Variants in RFX1 observed in about 807,000 individuals in gnomAD.
RFX1 encodes regulatory factor X1.
Under a neutral mutation model 119.6 loss-of-function variants are expected in RFX1, and 42 were observed. The observed-to-expected ratio is 0.35, with a 90% CI of 0.27 to 0.45. The LOEUF (loss-of-function observed/expected upper bound fraction) is 0.45. Among genes scored for constraint, RFX1 ranks in the 20% least tolerant of loss-of-function variants. The probability of loss-of-function intolerance (pLI) is 1.00; values close to 1 mark genes in which losing one functional copy is unlikely to be tolerated. For synonymous variants in RFX1, 628 were observed against 618.5 expected, an observed-to-expected ratio of 1.02 and a Z score of -0.23; for missense variants, 1,118 against 1,368.1, an observed-to-expected ratio of 0.82 and a Z score of 2.88.
rs1191987751 is a variant in RFX1, at chr19:13,980,883, T to C, written c.622-194A>G. Among the ~76,000 whole-genome samples, 1 of 152,168 alleles carries C rather than the reference T, an allele frequency of 6.6e-6. No individual in the cohort carries two copies. Among genetic ancestry groups the C allele is most frequent in the Non-Finnish European group, 1.5e-5 (1 of 68,024 alleles). ...TGCCTACTCCCTGCAACAGTCCCAG[T>C]CAACTCCCAGCAATGATGGGGGTTT... On this transcript the variant is annotated intron_variant, in intron 5 of 20. Coordinates refer to ENST00000254325, the MANE Select transcript of RFX1 (RefSeq NM_002918.5). The surrounding 1 kb of genome is among the most constrained non-coding windows in gnomAD (Gnocchi z 5.1).
intron 2 of RFX1, among the ~76,000 whole-genome samples, chr19:13,992,685 G>C (rs532240427): frequency 6.6e-6 from 1 of 152,202 alleles, no homozygotes; most frequent in Non-Finnish European, 1.5e-5. Context: ...GAGCTATGAT[G>C]ATCCCATCAC....
At chr19:13,997,416 G>A (rs1975073116) in intron 1 of RFX1, among the ~76,000 whole-genome samples, 1 of 152,278 alleles carries the variant, frequency 6.6e-6, no homozygotes, top group Non-Finnish European at 1.5e-5. Flanking sequence ...GGCCCTACCA[G>A]GCGGGGCTGC....
intron 6 of RFX1, among the ~76,000 whole-genome samples, chr19:13,979,913 G>A (rs1974374598): frequency 6.6e-6 from 1 of 152,160 alleles, no homozygotes; most frequent in Admixed American, 6.5e-5. Context: ...TATCCTAGGG[G>A]CGCAGAGCCA....
At position 13,973,036 on chromosome 19, in the gene RFX1, C is replaced by T. The variant is rs763319107; in HGVS notation, c.1021G>A (p.Val341Ile). 6.2e-7 allele frequency: 1 copy of T among 1,601,656 alleles called. No individual in the cohort carries two copies. The highest frequency in any genetic ancestry group is 8.5e-7 in the Non-Finnish European group (1 of 1,179,850). Residue 341 changes from valine to isoleucine, a missense_variant, in exon 9 of 21, where the codon GTC (valine) becomes ATC (isoleucine). By Grantham distance (29) the Val-to-Ile change is conservative (BLOSUM62 3). Coordinates refer to ENST00000254325, the MANE Select transcript of RFX1 (RefSeq NM_002918.5). Reference protein sequence around the residue: ...YYEAAGTATQVSTPATSQAVA... With the variant: ...YYEAAGTATQISTPATSQAVA... The stretch of plus-strand genomic sequence containing the variant: ...GCCTGGGAGGTGGCGGGGGTGCTGA[C>T]CTGGGTGGCCGTGCCTGCGGCCTCG...
In RFX1 at chr19:13,973,692, G is replaced by A. The variant is rs552127627; in HGVS notation, c.930-565C>T. ...GTCACCCAGGCTAGAGTGCAGTGTCGCAATCTTGGCTCACTGCAACCTCCG... is the reference window on the plus strand; with the variant it reads ...GTCACCCAGGCTAGAGTGCAGTGTCACAATCTTGGCTCACTGCAACCTCCG... On this transcript the variant is annotated intron_variant, in intron 8 of 20. Transcript: ENST00000254325. Among the ~76,000 whole-genome samples, 8 of 152,130 alleles carry A rather than the reference G, an allele frequency of 5.3e-5. No individual in the cohort carries two copies. The East Asian group carries it at 9.7e-4, about 18-fold the overall frequency.
chr19:13,989,338 C>T (rs1974721463), intron 2 of RFX1, among the ~76,000 whole-genome samples: 1 of 151,954 alleles, frequency 6.6e-6, no homozygotes, highest in South Asian at 2.1e-4. Context: ...CTAGTAGGGG[C>T]ACAGGGTGTG....
chr19:14,000,991 G>C (rs530058946), intron 1 of RFX1, among the ~76,000 whole-genome samples: 3 of 152,158 alleles, frequency 2.0e-5, no homozygotes, highest in Admixed American at 2.0e-4. Context: ...CCAGCTACTC[G>C]GGAGGCTGAG....
chr19:13,970,353 GCACTGT>G (rs2145553704), intron 9 of RFX1, among the ~76,000 whole-genome samples, 178 bp from the exon 10 acceptor site: 1 of 152,198 alleles, frequency 6.6e-6, no homozygotes, highest in East Asian at 1.9e-4. Context: ...CTCTAGAACT[GCACTGT>G]CCAATACAGT....
chr19:13,978,145 C>A, intron 7 of RFX1, 59 bp from the exon 8 acceptor site: 1 of 1,302,422 alleles, frequency 7.7e-7, no homozygotes, highest in South Asian at 1.3e-5. Flanking sequence ...ACGGTTCTCC[C>A]TCTAAAGGGC....
chr19:13,983,840 C>T, intron 2 of RFX1, among the ~76,000 whole-genome samples: 1 of 152,204 alleles, frequency 6.6e-6, no homozygotes. Flanking sequence ...CAGCTTTCCT[C>T]ATCCTGAAGT....
intron 2 of RFX1, among the ~76,000 whole-genome samples, chr19:13,984,348 T>TC (rs60103979): frequency 0.014 from 2,053 of 151,238 alleles, 45 homozygotes; most frequent in African/African-American, 0.047. Flanking sequence ...GGGGCGCTAA[T>TC]CCCCCCGGTG....
rs1974007750 is a variant in RFX1 at position 13,969,556 on chromosome 19, G to C, written c.1496+438C>G. On this transcript the variant is annotated intron_variant, in intron 10 of 20. Transcript: ENST00000254325. The surrounding 1 kb of genome is among the most constrained non-coding windows in gnomAD (Gnocchi z 4.5). ...GCTTGTAGTCCCAAGCTACTCAAGA[G>C]GCTGAGGCATGAGAATGGCTTGAAC... The C allele has an allele frequency of 6.1e-6, 1 of 163,358 alleles. No individual in the cohort carries two copies. Among genetic ancestry groups the C allele is most frequent in the East Asian group, 1.8e-4 (1 of 5,566 alleles). 10.1% of individuals were successfully genotyped at this position (163,358 alleles called of 1,614,324 possible).
At chr19:13,991,610 C>T (rs1195190400) in intron 2 of RFX1, among the ~76,000 whole-genome samples, 1 of 152,188 alleles carries the variant, frequency 6.6e-6, no homozygotes, top group Non-Finnish European at 1.5e-5. Context: ...GGACACTGCC[C>T]AGGGCTCCAG....
In RFX1 at chr19:13,966,723, T is replaced by C. The variant is rs769362603; in HGVS notation, c.1761A>G (p.Thr587=). The C allele has an allele frequency of 2.5e-6, 4 of 1,610,376 alleles. No individual in the cohort carries two copies. The South Asian group carries it at 4.4e-5, about 18-fold the overall frequency. ...GCACCTTGCCCTGGAGGTCGAGCTC[T>C]GTGAAGTCAGGGAGGCTCCGAGAGG... ...LDASRSLPDF[T]ELDLQGKVLP... The change falls in exon 13 of 21, where the codon ACA becomes ACG. Residue 587 remains threonine (T), a synonymous_variant. Transcript: ENST00000254325. This position sits in a 1 kb window ranked among gnomAD's most constrained non-coding sequence, Gnocchi z 6.3.
rs758402080 is a variant in RFX1, at chr19:13,993,846, C to A, written c.-3G>T. ...TCAGTATACGCCTGTGTTGCCATGC[C>A]AACGGTGGGGAAAATGATAATAAAT... On this transcript the variant is annotated 5_prime_UTR_variant, in exon 2 of 21. Transcript: ENST00000254325. 1 of 1,527,646 alleles carries A rather than the reference C, an allele frequency of 6.5e-7. No individual in the cohort carries two copies. Among genetic ancestry groups the A allele is most frequent in the East Asian group, 2.5e-5 (1 of 39,602 alleles). The allele number at this position is 1,527,646 out of a possible 1,614,324, so 94.6% of individuals were successfully genotyped here.
chr19:13,996,786 G>A (rs1279858471), intron 1 of RFX1, among the ~76,000 whole-genome samples: 2 of 144,130 alleles, frequency 1.4e-5, no homozygotes, highest in African/African-American at 5.2e-5. Context: ...GCAGTGGCAC[G>A]ATCTTGGCTC....
intron 8 of RFX1, among the ~76,000 whole-genome samples, chr19:13,974,110 G>A (rs560798842): frequency 4.9e-4 from 75 of 152,272 alleles, no homozygotes; most frequent in African/African-American, 1.8e-3. Flanking sequence ...CCCGGCCCCC[G>A]GAACCGTCTA....
Position 13,968,758 on chromosome 19 carries a change from C to T in RFX1, c.1616+17G>A, listed in dbSNP as rs749406508. On this transcript the variant is annotated intron_variant, in intron 11 of 20. Coordinates refer to ENST00000254325, the MANE Select transcript of RFX1 (RefSeq NM_002918.5). This position sits in a 1 kb window ranked among gnomAD's most constrained non-coding sequence, Gnocchi z 5.5. ...TTCCCCGCCTGCCCTGCCCTGGGTC[C>T]GGCCCTGCCTTCCTACCTCTGCTTC... The T allele has an allele frequency of 1.4e-5, 23 of 1,605,722 alleles. No homozygotes were observed. The highest frequency in any genetic ancestry group is 1.6e-4 in the Middle Eastern group (1 of 6,066).
chr19:13,996,906 T>C (rs954442592), intron 1 of RFX1, among the ~76,000 whole-genome samples: 4 of 152,040 alleles, frequency 2.6e-5, no homozygotes, highest in Non-Finnish European at 1.5e-5. Context: ...GTGTTTTTAG[T>C]GGAGACAGGG....
Sources: gnomAD v4.1 joint callset for allele counts (sites outside exome capture counted in the v4.1 genomes callset) on GRCh38, gnomAD v4.1.1 for gene constraint, Gnocchi (gnomAD v3.1) non-coding constraint, MANE v1.5 for transcripts, NCBI Gene and HGNC (gene_info 2026-07-23, HGNC 2026-07-21) for gene names.